The following LOC400499 variants were observed in gnomAD, a reference collection of about 807,000 sequenced individuals.
chr16:11,447,468 G>A, the LOC400499 span, among the ~76,000 whole-genome samples: 5 of 152,098 alleles, frequency 3.3e-5, no homozygotes, highest in Non-Finnish European at 7.4e-5. Flanking sequence ...AATGTAAATG[G>A]GATAAAAACA....
At chr16:11,486,880 G>T in the LOC400499 span, among the ~76,000 whole-genome samples, 1 of 108,260 alleles carries the variant, frequency 9.2e-6, no homozygotes. Flanking sequence ...TGATGGGTGG[G>T]GGGGTGGGGG....
At chr16:11,470,674 G>A in the LOC400499 span, 3 of 152,330 alleles carry the variant, frequency 2.0e-5, no homozygotes, top group Non-Finnish European at 4.4e-5. Context: ...CCGACCGCGT[G>A]GAGCCTACGT....
At chr16:11,374,202 G>C in the LOC400499 span, among the ~76,000 whole-genome samples, 1 of 152,102 alleles carries the variant, frequency 6.6e-6, no homozygotes, top group African/African-American at 2.4e-5. Context: ...GTCTGTGCTA[G>C]CTTTTACTCT....
chr16:11,434,456 C>T, the LOC400499 span, among the ~76,000 whole-genome samples: 11 of 152,182 alleles, frequency 7.2e-5, no homozygotes, highest in African/African-American at 1.2e-4. Flanking sequence ...GGGGCAGTCT[C>T]GCACACTTAA....
chr16:11,496,505 G>A, the LOC400499 span, among the ~76,000 whole-genome samples: 2 of 152,350 alleles, frequency 1.3e-5, no homozygotes, highest in South Asian at 4.1e-4. Context: ...TAGAATCCTA[G>A]TGCTTGTGGG....
chr16:11,397,757 TGGAGGGAGGGAGGGATGGAGGGAGGGAG>T, the LOC400499 span, among the ~76,000 whole-genome samples: 5 of 16,098 alleles, frequency 3.1e-4, no homozygotes, highest in Non-Finnish European at 8.8e-4. Context: ...GAGGGAGGGA[TGGAGGGAGGGAGGGATGGAGGGAGGGAG>T]GGAGGGAGGG....
the LOC400499 span, among the ~76,000 whole-genome samples, chr16:11,374,082 T>C: frequency 1.3e-5 from 2 of 152,236 alleles, no homozygotes; most frequent in Non-Finnish European, 2.9e-5. Flanking sequence ...ATTACTAAAC[T>C]ACAAATTTAG....
chr16:11,388,531 T>C, the LOC400499 span, among the ~76,000 whole-genome samples: 4 of 152,164 alleles, frequency 2.6e-5, no homozygotes, highest in African/African-American at 7.2e-5. Context: ...GCCCGGTTCC[T>C]GGTGGGCCTC....
chr16:11,446,006 G>C, the LOC400499 span, among the ~76,000 whole-genome samples: 1 of 151,616 alleles, frequency 6.6e-6, no homozygotes, highest in Admixed American at 6.6e-5. Context: ...TATATTTTTA[G>C]TAGAGACAGG....
chr16:11,439,295 G>A, the LOC400499 span, among the ~76,000 whole-genome samples: 3 of 152,138 alleles, frequency 2.0e-5, no homozygotes, highest in African/African-American at 7.2e-5. Context: ...TCCAAATGAT[G>A]GATGTGGAAA....
the LOC400499 span, among the ~76,000 whole-genome samples, chr16:11,516,923 G>T: frequency 6.6e-6 from 1 of 152,180 alleles, no homozygotes; most frequent in East Asian, 1.9e-4. Context: ...TGGGATTACA[G>T]GCGTAAGCCA....
At chr16:11,384,263 C>T in the LOC400499 span, 36 of 1,232,230 alleles carry the variant, frequency 2.9e-5, no homozygotes, top group Non-Finnish European at 3.5e-5. Context: ...ATAGAGCCAT[C>T]CGGCAACATC....
At chr16:11,517,711 C>T in the LOC400499 span, among the ~76,000 whole-genome samples, 10 of 152,294 alleles carry the variant, frequency 6.6e-5, no homozygotes, top group African/African-American at 2.2e-4. Flanking sequence ...AATTCAGCCC[C>T]GTGCTCCTCC....
At chr16:11,427,557 A>G in the LOC400499 span, among the ~76,000 whole-genome samples, 11 of 151,120 alleles carry the variant, frequency 7.3e-5, no homozygotes, top group African/African-American at 2.7e-4. Context: ...CGATCCTCCC[A>G]CCCCAGCCTC....
the LOC400499 span, among the ~76,000 whole-genome samples, chr16:11,434,427 G>A: frequency 6.6e-6 from 1 of 152,078 alleles, no homozygotes; most frequent in East Asian, 1.9e-4. Flanking sequence ...GAGGCTGAGG[G>A]GAATGGTGTC....
the LOC400499 span, among the ~76,000 whole-genome samples, chr16:11,434,294 G>A: frequency 6.6e-6 from 1 of 152,208 alleles, no homozygotes; most frequent in East Asian, 1.9e-4. Flanking sequence ...GGCTAAGGCT[G>A]GGAAATTGCT....
chr16:11,379,534 G>A, the LOC400499 span, among the ~76,000 whole-genome samples: 1 of 152,160 alleles, frequency 6.6e-6, no homozygotes, highest in African/African-American at 2.4e-5. Flanking sequence ...TCTGATGGTG[G>A]AATTCATTTG....
At chr16:11,390,366 C>T in the LOC400499 span, 5 of 1,235,028 alleles carry the variant, frequency 4.0e-6, no homozygotes, top group Admixed American at 4.2e-5. Flanking sequence ...CCCAGGCCTG[C>T]AGCCGCCGCA....
the LOC400499 span, among the ~76,000 whole-genome samples, chr16:11,463,783 G>C: frequency 4.7e-4 from 72 of 152,194 alleles, no homozygotes; most frequent in Non-Finnish European, 9.3e-4. Context: ...ATACAGATGT[G>C]TCTACATATG....
Sources: allele counts gnomAD v4.1 joint callset (sites outside exome capture counted in the v4.1 genomes callset), GRCh38; gene constraint gnomAD v4.1.1; transcripts MANE v1.5.